Variants in ANKZF1 observed in about 807,000 individuals in gnomAD.
ANKZF1 encodes the protein ankyrin repeat and zinc finger peptidyl tRNA hydrolase 1, also known as tRNA endonuclease ANKZF1.
Under a neutral mutation model 86.0 loss-of-function variants are expected in ANKZF1, and 84 were observed. That is an observed-to-expected ratio of 0.98 (90% CI 0.82 to 1.17). The LOEUF is 1.17. ANKZF1 is among the 50% of genes most tolerant of loss of function. ANKZF1 has a pLI of 0.00. For missense variants in ANKZF1, 893 were observed against 918.4 expected, an observed-to-expected ratio of 0.97 and a Z score of 0.36; for synonymous variants, 331 against 354.2, an observed-to-expected ratio of 0.93 and a Z score of 0.74.
Position 219,235,024 on chromosome 2 carries a change from CCA to C in ANKZF1, c.1408_1409del (p.Gln470ValfsTer15). On this transcript the variant is annotated frameshift_variant, in exon 10 of 14. Transcript: ENST00000323348. LOFTEE classifies it high-confidence loss of function. ...CAGCAAACTCAAGAAGAGGAGCCTT[CCA>C]CACAGTCATCCCAGGCAGTTGCTGC... The C allele has an allele frequency of 6.2e-7, 1 of 1,614,268 alleles. No individual in the cohort carries two copies. The highest frequency in any genetic ancestry group is 8.5e-7 in the Non-Finnish European group (1 of 1,180,056).
intron 5 of ANKZF1, 35 bp downstream of exon 5, chr2:219,232,718 G>T (rs1288798309): frequency 6.3e-7 from 1 of 1,594,180 alleles, no homozygotes; most frequent in Non-Finnish European, 8.5e-7. Context: ...GCTAACCCCA[G>T]CCTTTTGTAC....
In ANKZF1 at chr2:219,234,991, C is replaced by T. The variant is rs140395841; in HGVS notation, c.1370C>T (p.Thr457Ile). 11,093 of 1,614,240 alleles carry T rather than the reference C, an allele frequency of 6.9e-3. 63 individuals carry two copies. Among genetic ancestry groups the T allele is most frequent in the Middle Eastern group, 0.025 (152 of 6,062 alleles). ...GACCAGGAGGCTGGGGCACATCGGACTCTTCTCCAGCAAACTCAAGAAGAG... is the reference window on the plus strand; with the variant it reads ...GACCAGGAGGCTGGGGCACATCGGATTCTTCTCCAGCAAACTCAAGAAGAG... ...SRDQEAGAHR[T>I]LLQQTQEEEP... The change falls in exon 10 of 14, where the codon ACT (threonine) becomes ATT (isoleucine). Residue 457 changes from threonine (T) to isoleucine (I), a missense_variant. By Grantham distance (89) the Thr-to-Ile change is moderately conservative. Transcript: ENST00000323348.
At chr2:219,236,244 C>G in intron 13 of ANKZF1, 78 bp from the exon 14 acceptor site, 1 of 1,608,112 alleles carries the variant, frequency 6.2e-7, no homozygotes, top group Non-Finnish European at 8.5e-7. Context: ...ACAGAAATGG[C>G]AGGAGGAGGG....
Position 219,229,973 on chromosome 2 carries a change from T to C in ANKZF1, c.-31+73T>C, listed in dbSNP as rs1950979012. ...TGGTCGCATGGGTAACGAAGAAAGT[T>C]CGGCTAGGCAAGCTCAGTGATTTTT... On this transcript the variant is annotated intron_variant, in intron 1 of 13. Coordinates refer to ENST00000323348, the MANE Select transcript of ANKZF1 (RefSeq NM_018089.3). This position sits in a 1 kb window ranked among gnomAD's most constrained non-coding sequence, Gnocchi z 4.2. The C allele has an allele frequency of 3.2e-6, 1 of 316,282 alleles. No homozygotes were observed. The highest frequency in any genetic ancestry group is 5.9e-6 in the Non-Finnish European group (1 of 170,480). 19.6% of individuals were successfully genotyped at this position (316,282 alleles called of 1,614,324 possible).
chr2:219,233,210 G>C lies in ANKZF1; in HGVS notation c.671+19G>C, dbSNP rs754363539. The C allele has an allele frequency of 1.9e-6, 3 of 1,614,066 alleles. No individual in the cohort carries two copies. In the African/African-American group the frequency reaches 4.0e-5, roughly 22 times the overall value. On this transcript the variant is annotated intron_variant, in intron 6 of 13. Coordinates refer to ENST00000323348, the MANE Select transcript of ANKZF1 (RefSeq NM_018089.3). ...TTCAAGGGTGAGAGGGTGCTGCATG[G>C]GGGTAAGGATGGAGTGGATCCTGTT...
intron 9 of ANKZF1, 71 bp downstream of exon 9, chr2:219,234,359 C>G: frequency 6.3e-7 from 1 of 1,589,792 alleles, no homozygotes; most frequent in South Asian, 1.1e-5. Context: ...ATTCCCTACT[C>G]TCATAACTGA....
Position 219,235,478 on chromosome 2 carries a change from T to C in ANKZF1, c.1696T>C (p.Ser566Pro). 1.9e-6 allele frequency: 3 copies of C among 1,613,870 alleles called. No homozygotes were observed. The highest frequency in any genetic ancestry group is 2.5e-6 in the Non-Finnish European group (3 of 1,179,928). ...EAGADPTVQD[S>P]RARPPYTVAA... is the part of the protein sequence containing the mutation. ...TTTTGGAGTTTTTGCACCTAGGGACTCTCGGGCCCGGCCACCTTATACTGT... is the reference window on the plus strand; with the variant it reads ...TTTTGGAGTTTTTGCACCTAGGGACCCTCGGGCCCGGCCACCTTATACTGT... The change falls in exon 11 of 14, where the codon TCT becomes CCT. Residue 566 changes from serine to proline, a missense_variant. Transcript: ENST00000323348.
rs1951136796 is a variant in ANKZF1, at chr2:219,234,250, A to T, written c.1166A>T (p.Lys389Met). The change falls in exon 9 of 14, where the codon AAG becomes ATG. Residue 389 changes from lysine to methionine, a missense_variant. Physicochemically the swap from Lys to Met is moderately conservative, Grantham distance 95. Coordinates refer to ENST00000323348, the MANE Select transcript of ANKZF1 (RefSeq NM_018089.3). ...EEIRKICRDE[K>M]EALGQNEESP... ...ATAAGAAAGATCTGCAGGGATGAAA[A>T]GGAAGCGCTGGGGCAGAATGAGGAA... The T allele has an allele frequency of 1.9e-6, 3 of 1,613,892 alleles. No homozygotes were observed. The highest frequency in any genetic ancestry group is 1.3e-5 in the African/African-American group (1 of 74,924).
In ANKZF1 at chr2:219,233,351, AG is replaced by A; in HGVS notation, c.741del (p.Leu248PhefsTer16). On this transcript the variant is annotated frameshift_variant, in exon 7 of 14. Coordinates refer to ENST00000323348, the MANE Select transcript of ANKZF1 (RefSeq NM_018089.3). LOFTEE classifies it high-confidence loss of function. ...YTVRAKRGTA[Q>X]GLRDARGGPS... is the part of the protein sequence containing the mutation. ...GTTCGGGCCAAGCGGGGCACAGCCCAGGGGCTTCGGGATGCCCGAGGTGGGC... is the reference window on the plus strand; with the variant it reads ...GTTCGGGCCAAGCGGGGCACAGCCCAGGGCTTCGGGATGCCCGAGGTGGGC... 1 of 1,614,130 alleles carries A rather than the reference AG, an allele frequency of 6.2e-7. No individual in the cohort carries two copies. The highest frequency in any genetic ancestry group is 2.2e-5 in the East Asian group (1 of 44,898).
intron 7 of ANKZF1, 101 bp downstream of exon 7, chr2:219,233,534 C>G: frequency 6.9e-7 from 1 of 1,445,772 alleles, no homozygotes; most frequent in African/African-American, 1.4e-5. Context: ...CATATCCTTC[C>G]AATTTTCATT....
chr2:219,236,492 C>A lies in ANKZF1; in HGVS notation c.*47C>A. Reference sequence around the variant, plus strand: ...GCCAACTCAGGGACCTGAGAGGGCACATTCACAGCAGCCCTAGGTTTTTTC... The same window carrying A: ...GCCAACTCAGGGACCTGAGAGGGCAAATTCACAGCAGCCCTAGGTTTTTTC... On this transcript the variant is annotated 3_prime_UTR_variant, in exon 14 of 14. Transcript: ENST00000323348. 1 of 1,523,230 alleles carries A rather than the reference C, an allele frequency of 6.6e-7. No individual in the cohort carries two copies. Among genetic ancestry groups the A allele is most frequent in the Non-Finnish European group, 8.8e-7 (1 of 1,137,500 alleles). The allele number at this position is 1,523,230 out of a possible 1,614,324, so 94.4% of individuals were successfully genotyped here. A position where few individuals can be genotyped will look rare whatever the true frequency, so the allele number is the denominator to read the frequency against.
chr2:219,234,606 G>A, intron 9 of ANKZF1: 1 of 681,598 alleles, frequency 1.5e-6, no homozygotes, highest in Non-Finnish European at 2.4e-6. Flanking sequence ...CTATTGTGCG[G>A]CACCCTAAGG....
At chr2:219,232,419 C>G (rs1442827989) in intron 4 of ANKZF1, 57 bp downstream of exon 4, 3 of 1,611,018 alleles carry the variant, frequency 1.9e-6, no homozygotes, top group Non-Finnish European at 2.5e-6. Context: ...TAAGAAAGCA[C>G]TAGTTTAGAG....
intron 12 of ANKZF1, 44 bp from the exon 13 acceptor site, chr2:219,235,966 C>G (rs771382091): frequency 6.2e-7 from 1 of 1,614,042 alleles, no homozygotes; most frequent in African/African-American, 1.3e-5. Flanking sequence ...GGGTGCCCTA[C>G]TCGCCACTGG....
At chr2:219,230,178 G>A in intron 1 of ANKZF1, 50 bp from the exon 2 acceptor site, 1 of 1,519,170 alleles carries the variant, frequency 6.6e-7, no homozygotes, top group Non-Finnish European at 8.9e-7. Context: ...AGACGCAGCA[G>A]TAGGATCTCG....
Position 219,232,693 on chromosome 2 carries a change from A to G in ANKZF1, c.558+10A>G. The G allele has an allele frequency of 6.2e-7, 1 of 1,611,714 alleles. No individual in the cohort carries two copies. The highest frequency in any genetic ancestry group is 8.5e-7 in the Non-Finnish European group (1 of 1,178,894). ...CCTAGGCCCTCATCAGGCAAGTGACAGTACAGGTTGCATGGCTAACCCCAG... is the reference window on the plus strand; with the variant it reads ...CCTAGGCCCTCATCAGGCAAGTGACGGTACAGGTTGCATGGCTAACCCCAG... On this transcript the variant is annotated intron_variant, in intron 5 of 13. Coordinates refer to ENST00000323348, the MANE Select transcript of ANKZF1 (RefSeq NM_018089.3).
rs1464167909 is a variant in ANKZF1 at position 219,236,441 on chromosome 2, C to T, written c.2177C>T (p.Ser726Phe). The change falls in exon 14 of 14, where the codon TCC becomes TTC. Residue 726 changes from serine to phenylalanine, a missense_variant. Transcript: ENST00000323348. ...DHRRQAGRPS[S>F] ...CGCCGTCAGGCAGGGAGGCCCTCTT[C>T]CTGATCTCTTACAGCTCTACCTGGG... The T allele has an allele frequency of 1.2e-6, 2 of 1,601,136 alleles. No individual in the cohort carries two copies. Among genetic ancestry groups the T allele is most frequent in the East Asian group, 2.2e-5 (1 of 44,766 alleles).
rs1382818611 is a variant in ANKZF1 at position 219,235,163 on chromosome 2, A to G, written c.1542A>G (p.Leu514=). 1 of 1,614,178 alleles carries G rather than the reference A, an allele frequency of 6.2e-7. No homozygotes were observed. The highest frequency in any genetic ancestry group is 1.1e-5 in the South Asian group (1 of 91,086). The change falls in exon 10 of 14, where the codon CTA becomes CTG. Residue 514 remains leucine (L), a synonymous_variant. Transcript: ENST00000323348. The part of the protein sequence containing the change: ...AGDVGVLKLQ[L]APSPADPRVL... ...ATGTTGGAGTGCTAAAGCTGCAGCTAGCTCCCAGCCCTGCAGACCCTAGAG... is the reference window on the plus strand; with the variant it reads ...ATGTTGGAGTGCTAAAGCTGCAGCTGGCTCCCAGCCCTGCAGACCCTAGAG...
chr2:219,235,778 G>T lies in ANKZF1; in HGVS notation c.1874G>T (p.Arg625Leu). 1 of 1,614,210 alleles carries T rather than the reference G, an allele frequency of 6.2e-7. No homozygotes were observed. ...CGGAAAAGGGAGCAGAAGGCAGCCC[G>T]GCGGCAACGGGAGGAACAGCAGCAG... Reference protein sequence around the residue: ...ATRKREQKAARRQREEQQQRQ... With the variant: ...ATRKREQKAALRQREEQQQRQ... Residue 625 changes from arginine to leucine, a missense_variant, in exon 12 of 14, where the codon CGG (arginine) becomes CTG (leucine). Transcript: ENST00000323348.
Sources: gnomAD v4.1 joint callset for allele counts on GRCh38, gnomAD v4.1.1 for gene constraint, Gnocchi (gnomAD v3.1) non-coding constraint, MANE v1.5 for transcripts, NCBI Gene and HGNC (gene_info 2026-07-23, HGNC 2026-07-21) for gene names.